SLC22A11: variants seen among roughly 807,000 people sequenced by gnomAD.
The protein encoded by SLC22A11 is solute carrier family 22 member 11.
SLC22A11 carries 42 observed loss-of-function variants against 49.4 expected under a neutral mutation model. The observed-to-expected ratio is 0.85, with a 90% CI of 0.66 to 1.10. The LOEUF (loss-of-function observed/expected upper bound fraction) is 1.10. Ranked by LOEUF, SLC22A11 falls within the 50% of genes least tolerant of loss-of-function variation. SLC22A11 has a pLI of 0.00. For missense variants in SLC22A11, 685 were observed against 731.6 expected (o/e 0.94, Z 0.74); for synonymous variants, 304 against 315.8 (o/e 0.96, Z 0.40).
rs2135424575 is a variant in SLC22A11 at position 64,565,673 on chromosome 11, T to A, written c.1058+336T>A. On this transcript the variant is annotated intron_variant, in intron 6 of 9. Transcript: ENST00000301891. This position sits in a 1 kb window ranked among gnomAD's most constrained non-coding sequence, Gnocchi z 4.1. ...CAGGGGACCAGCCACGGCCGAGGAG[T>A]ACCACTGTGTGTCATCGTTAGAGAC... is the stretch of plus-strand genomic sequence containing the variant. The A allele has an allele frequency of 2.4e-6, 1 of 424,274 alleles. No homozygotes were observed. Among genetic ancestry groups the A allele is most frequent in the South Asian group, 1.8e-5 (1 of 55,540 alleles). The allele number at this position is 424,274 out of a possible 1,614,324, so 26.3% of individuals were successfully genotyped here. A position where few individuals can be genotyped will look rare whatever the true frequency, so the allele number is the denominator to read the frequency against.
At position 64,571,800 on chromosome 11, in the gene SLC22A11, A is replaced by T. The variant is rs2038707481; in HGVS notation, c.*758A>T. 6.6e-6 allele frequency: 1 copy of T among 152,398 alleles called. No individual in the cohort carries two copies. Among genetic ancestry groups the T allele is most frequent in the Non-Finnish European group, 1.5e-5 (1 of 68,144 alleles). The allele number at this position is 152,398 out of a possible 1,614,324, so 9.4% of individuals were successfully genotyped here. A position where few individuals can be genotyped will look rare whatever the true frequency, so the allele number is the denominator to read the frequency against. On this transcript the variant is annotated 3_prime_UTR_variant, in exon 10 of 10. Transcript: ENST00000301891. ...CCACACACGTGCGCAGAGCCCACGAAGATGACGCTGCACTGAGGCATGGGG... is the reference window on the plus strand; with the variant it reads ...CCACACACGTGCGCAGAGCCCACGATGATGACGCTGCACTGAGGCATGGGG...
intron 1 of SLC22A11, among the ~76,000 whole-genome samples, 199 bp downstream of exon 1, chr11:64,556,591 C>T (rs939487605): frequency 1.3e-5 from 2 of 152,234 alleles, no homozygotes; most frequent in African/African-American, 4.8e-5. Context: ...CCTGGTAGTG[C>T]GGGGGGCACC....
chr11:64,559,699 C>T lies in SLC22A11; in HGVS notation c.497+461C>T, dbSNP rs756912520. Among the ~76,000 whole-genome samples the T allele has an allele frequency of 5.9e-5, 9 of 151,708 alleles. 1 individual carries two copies. In the South Asian group the frequency reaches 6.2e-4, roughly 10 times the overall value. ...GCCTCAGCAGAAATGGGGGAAGGGG[C>T]GGTGGGGAGGGTGGGAGACAAGTGT... On this transcript the variant is annotated intron_variant, in intron 2 of 9. Transcript: ENST00000301891.
chr11:64,572,262 AGGCCGGCTGCCCATCTCAGATG>A lies in SLC22A11; in HGVS notation c.*1224_*1245del, dbSNP rs1273720681. 1 of 152,242 alleles carries A rather than the reference AGGCCGGCTGCCCATCTCAGATG, an allele frequency of 6.6e-6. No individual in the cohort carries two copies. 9.4% of individuals were successfully genotyped at this position (152,242 alleles called of 1,614,324 possible). On this transcript the variant is annotated 3_prime_UTR_variant, in exon 10 of 10. Coordinates refer to ENST00000301891, the MANE Select transcript of SLC22A11 (RefSeq NM_018484.4). ...GGCCATGAAAACTCTGGGATGGTCG[AGGCCGGCTGCCCATCTCAGATG>A]GGCAAGGAAGCAAAAGTGCAGAGTG...
rs762087782 is a variant in SLC22A11 at position 64,572,496 on chromosome 11, GC to G, written c.*1458del. On this transcript the variant is annotated 3_prime_UTR_variant, in exon 10 of 10. Transcript: ENST00000301891. ...CCACTCTGGGCCACCTCAATCTCAGGCCCCTCAACTCACCTCTTTCACCCTG... is the reference window on the plus strand; with the variant it reads ...CCACTCTGGGCCACCTCAATCTCAGGCCCTCAACTCACCTCTTTCACCCTG... 2.0e-5 allele frequency: 3 copies of G among 152,222 alleles called. No homozygotes were observed. Among genetic ancestry groups the G allele is most frequent in the Non-Finnish European group, 4.4e-5 (3 of 68,126 alleles). 9.4% of individuals were successfully genotyped at this position (152,222 alleles called of 1,614,324 possible).
chr11:64,563,870 C>T (rs2038584961), intron 4 of SLC22A11, among the ~76,000 whole-genome samples: 1 of 151,812 alleles, frequency 6.6e-6, no homozygotes. Flanking sequence ...GAGCCAAGAT[C>T]GCACCACTAC....
Position 64,562,579 on chromosome 11 carries a change from G to A in SLC22A11, c.821+144G>A. On this transcript the variant is annotated intron_variant, in intron 4 of 9. Coordinates refer to ENST00000301891, the MANE Select transcript of SLC22A11 (RefSeq NM_018484.4). This position sits in a 1 kb window ranked among gnomAD's most constrained non-coding sequence, Gnocchi z 4.4. ...CATGAGCGGCACCCTCGCTAGGGAG[G>A]GACATTGGTGATTGGCAGTCCTGGG... 1.1e-6 allele frequency: 1 copy of A among 890,610 alleles called. No individual in the cohort carries two copies. Among genetic ancestry groups the A allele is most frequent in the Non-Finnish European group, 1.6e-6 (1 of 613,130 alleles). 55.2% of individuals were successfully genotyped at this position (890,610 alleles called of 1,614,324 possible).
intron 2 of SLC22A11, 34 bp from the exon 3 acceptor site, chr11:64,561,970 T>A: frequency 6.3e-7 from 1 of 1,582,316 alleles, no homozygotes; most frequent in Non-Finnish European, 8.6e-7. Context: ...CAGGGGCCCC[T>A]CTCCAGGCCC....
At position 64,565,459 on chromosome 11, in the gene SLC22A11, T is replaced by G. The variant is rs1028693407; in HGVS notation, c.1058+122T>G. 2.5e-6 allele frequency: 2 copies of G among 803,226 alleles called. No homozygotes were observed. Among genetic ancestry groups the G allele is most frequent in the Non-Finnish European group, 4.2e-6 (2 of 479,826 alleles). The allele number at this position is 803,226 out of a possible 1,614,324, so 49.8% of individuals were successfully genotyped here. A position where few individuals can be genotyped will look rare whatever the true frequency, so the allele number is the denominator to read the frequency against. ...CCCGCAGGCCTCAAGGGGGTGCATT[T>G]CTGTCTGGGACAGGACGCAGACAGC... is the stretch of plus-strand genomic sequence containing the variant. On this transcript the variant is annotated intron_variant, in intron 6 of 9. Transcript: ENST00000301891. This position sits in a 1 kb window ranked among gnomAD's most constrained non-coding sequence, Gnocchi z 4.1.
rs777500139 is a variant in SLC22A11, at chr11:64,562,050, G to A, written c.544G>A (p.Val182Met). The change falls in exon 3 of 10, where the codon GTG becomes ATG. Residue 182 changes from valine to methionine, a missense_variant. Transcript: ENST00000301891. This position sits in a 1 kb window ranked among gnomAD's most constrained non-coding sequence, Gnocchi z 4.4. The part of the protein sequence containing the change: ...MLSWCCLQLA[V>M]AGTSTIFAPT... ...GAGCTGGTGCTGCCTGCAGTTGGCCGTGGCGGGCACCAGCACCATCTTCGC... is the reference window on the plus strand; with the variant it reads ...GAGCTGGTGCTGCCTGCAGTTGGCCATGGCGGGCACCAGCACCATCTTCGC... The A allele has an allele frequency of 2.4e-5, 39 of 1,613,602 alleles. No homozygotes were observed. Among genetic ancestry groups the A allele is most frequent in the Non-Finnish European group, 2.7e-5 (32 of 1,180,018 alleles).
chr11:64,561,756 A>G (rs931217585), intron 2 of SLC22A11, among the ~76,000 whole-genome samples: 2 of 151,814 alleles, frequency 1.3e-5, no homozygotes, highest in African/African-American at 4.8e-5. Context: ...ACAGGCATGA[A>G]CCACCGTGCC....
intron 2 of SLC22A11, among the ~76,000 whole-genome samples, chr11:64,561,275 C>T (rs2038540287): frequency 6.6e-6 from 1 of 152,196 alleles, no homozygotes; most frequent in South Asian, 2.1e-4. Context: ...TCCCTGGCCC[C>T]TTGCCCAGTG....
At chr11:64,570,410 T>C (rs978397288) in intron 9 of SLC22A11, among the ~76,000 whole-genome samples, 4 of 152,324 alleles carry the variant, frequency 2.6e-5, no homozygotes, top group Admixed American at 2.6e-4. Flanking sequence ...TTTAGCCTCC[T>C]CCTTTGTAAG....
At position 64,571,513 on chromosome 11, in the gene SLC22A11, G is replaced by A. The variant is rs1174554318; in HGVS notation, c.*471G>A. 6.3e-6 allele frequency: 1 copy of A among 159,692 alleles called. No individual in the cohort carries two copies. Among genetic ancestry groups the A allele is most frequent in the African/African-American group, 2.4e-5 (1 of 41,654 alleles). The allele number at this position is 159,692 out of a possible 1,614,324, so 9.9% of individuals were successfully genotyped here. A position where few individuals can be genotyped will look rare whatever the true frequency, so the allele number is the denominator to read the frequency against. On this transcript the variant is annotated 3_prime_UTR_variant, in exon 10 of 10. Coordinates refer to ENST00000301891, the MANE Select transcript of SLC22A11 (RefSeq NM_018484.4). ...ACCGGCCAAATAAATGGAACCTGCT[G>A]AGAGAGCTGCCAGATACAGGTGTCC...
intron 2 of SLC22A11, 62 bp from the exon 3 acceptor site, chr11:64,561,942 C>T: frequency 6.5e-7 from 1 of 1,542,860 alleles, no homozygotes; most frequent in Admixed American, 2.0e-5. Flanking sequence ...CAAGTACCTG[C>T]CCACATATCC....
chr11:64,571,005 G>T lies in SLC22A11; in HGVS notation c.1616G>T (p.Arg539Leu), dbSNP rs377040676. Reference protein sequence around the residue: ...SQKSTAAQGNRQEAVTVESTS... With the variant: ...SQKSTAAQGNLQEAVTVESTS... ...AAATCAACAGCAGCCCAGGGCAACC[G>T]GCAAGAGGCCGTCACTGTGGAAAGT... is the stretch of plus-strand genomic sequence containing the variant. The change falls in exon 10 of 10, where the codon CGG becomes CTG. Residue 539 changes from arginine (R) to leucine (L), a missense_variant. Physicochemically the swap from Arg to Leu is moderately radical, Grantham distance 102. Transcript: ENST00000301891. 4.3e-6 allele frequency: 7 copies of T among 1,614,082 alleles called. No individual in the cohort carries two copies. The Admixed American group carries it at 1.2e-4, about 27-fold the overall frequency.
intron 2 of SLC22A11, among the ~76,000 whole-genome samples, chr11:64,560,605 G>A (rs552214046): frequency 2.0e-5 from 3 of 152,328 alleles, no homozygotes; most frequent in African/African-American, 2.4e-5. Flanking sequence ...CCGAGGCCAC[G>A]GAGCCAGAGA....
At chr11:64,559,897 T>C (rs2038518775) in intron 2 of SLC22A11, among the ~76,000 whole-genome samples, 1 of 152,174 alleles carries the variant, frequency 6.6e-6, no homozygotes, top group African/African-American at 2.4e-5. Flanking sequence ...CTAGGCCTGC[T>C]GGCGGGGAGA....
rs765641954 is a variant in SLC22A11 at position 64,572,868 on chromosome 11, C to T, written c.*1826C>T. The T allele has an allele frequency of 6.6e-6, 1 of 152,052 alleles. No homozygotes were observed. The highest frequency in any genetic ancestry group is 1.5e-5 in the Non-Finnish European group (1 of 68,024). The allele number at this position is 152,052 out of a possible 1,614,324, so 9.4% of individuals were successfully genotyped here. ...ACCAGCATGGAATTAAATTAGAAATCAATTATGGAAAGAGATATAGAAAAC... is the reference window on the plus strand; with the variant it reads ...ACCAGCATGGAATTAAATTAGAAATTAATTATGGAAAGAGATATAGAAAAC... On this transcript the variant is annotated 3_prime_UTR_variant, in exon 10 of 10. Transcript: ENST00000301891.
Sources: gnomAD v4.1 joint callset for allele counts (sites outside exome capture counted in the v4.1 genomes callset) on GRCh38, gnomAD v4.1.1 for gene constraint, Gnocchi (gnomAD v3.1) non-coding constraint, MANE v1.5 for transcripts, NCBI Gene and HGNC (gene_info 2026-07-23, HGNC 2026-07-21) for gene names.